VRK2: variants seen among roughly 807,000 people sequenced by gnomAD.
The protein encoded by VRK2 is serine/threonine-protein kinase VRK2.
Under a neutral mutation model 57.6 loss-of-function variants are expected in VRK2, and 60 were observed. The observed-to-expected ratio is 1.04, with a 90% CI of 0.85 to 1.29. The LOEUF (loss-of-function observed/expected upper bound fraction) is 1.29. Ranked by LOEUF, VRK2 falls within the 50% of genes most tolerant of loss-of-function variation. The probability of loss-of-function intolerance (pLI) is 0.00; values close to 1 mark genes in which losing one functional copy is unlikely to be tolerated. For missense variants in VRK2, 705 were observed against 588.1 expected (o/e 1.20, Z -2.06); for synonymous variants, 231 against 199.2 (o/e 1.16, Z -1.35).
At chr2:58,087,202 G>T (rs1671753963) in intron 5 of VRK2, among the ~76,000 whole-genome samples, 1 of 152,034 alleles carries the variant, frequency 6.6e-6, no homozygotes, top group Non-Finnish European at 1.5e-5. Context: ...GTTAAAATAG[G>T]TGATATTATT....
chr2:58,084,235 T>A (rs1558613670), intron 3 of VRK2, 97 bp downstream of exon 3: 1 of 1,261,550 alleles, frequency 7.9e-7, no homozygotes, highest in Non-Finnish European at 1.1e-6. Context: ...AACTATTGCC[T>A]TATCAGTAAA....
intron 8 of VRK2, among the ~76,000 whole-genome samples, chr2:58,123,642 G>A (rs969108742): frequency 1.3e-5 from 2 of 151,972 alleles, no homozygotes; most frequent in South Asian, 2.1e-4. Flanking sequence ...CAGGAGGATC[G>A]CTTGAGTCTA....
intron 2 of VRK2, among the ~76,000 whole-genome samples, chr2:58,027,853 A>T (rs903551855): frequency 2.0e-5 from 3 of 152,186 alleles, no homozygotes; most frequent in African/African-American, 7.2e-5. Context: ...CATCCCAAAC[A>T]GAAATTTAAA....
rs564704383 is a variant in VRK2 at position 58,119,735 on chromosome 2, A to C, written c.544-3366A>C. On this transcript the variant is annotated intron_variant, in intron 7 of 12. Coordinates refer to ENST00000340157, the MANE Select transcript of VRK2 (RefSeq NM_006296.7). ...AAAACTTCCATGAGAATCTTAGAGA[A>C]TATTTCGTAGAATTTTCTACAGGAT... 6.6e-5 allele frequency among the ~76,000 whole-genome samples: 10 copies of C among 151,360 alleles called. No individual in the cohort carries two copies. The East Asian group carries it at 1.5e-3, about 23-fold the overall frequency.
chr2:58,092,729 A>G (rs142663267), intron 7 of VRK2, among the ~76,000 whole-genome samples: 1,793 of 152,160 alleles, frequency 0.012, 37 homozygotes, highest in African/African-American at 0.041. Context: ...TTTGTTATAT[A>G]TGTATACATG....
chr2:58,099,874 A>G (rs1673709315), intron 7 of VRK2, among the ~76,000 whole-genome samples: 2 of 152,044 alleles, frequency 1.3e-5, no homozygotes, highest in East Asian at 3.9e-4. Flanking sequence ...ATTTCAACTA[A>G]GTGATCTCAA....
intron 11 of VRK2, among the ~76,000 whole-genome samples, chr2:58,142,607 C>T (rs948915693): frequency 6.6e-6 from 1 of 151,826 alleles, no homozygotes; most frequent in East Asian, 1.9e-4. Flanking sequence ...TCAAGACCAT[C>T]ACAGTCTCTT....
At chr2:58,100,371 G>A (rs532742059) in intron 7 of VRK2, among the ~76,000 whole-genome samples, 115 of 151,912 alleles carry the variant, frequency 7.6e-4, no homozygotes, top group African/African-American at 2.6e-3. Context: ...TGTAATATCT[G>A]TATTTCATTA....
intron 1 of VRK2, among the ~76,000 whole-genome samples, chr2:57,941,549 G>A (rs994034810): frequency 6.6e-5 from 10 of 152,138 alleles, no homozygotes; most frequent in South Asian, 4.2e-4. Context: ...TTTCTATATC[G>A]ATCAAATACT....
At chr2:58,053,840 A>G (rs1311174684) in intron 2 of VRK2, among the ~76,000 whole-genome samples, 2 of 152,170 alleles carry the variant, frequency 1.3e-5, no homozygotes, top group African/African-American at 2.4e-5. Context: ...AATTTTGCAA[A>G]TGATACTGTG....
chr2:58,138,768 A>C (rs187926453), intron 10 of VRK2, among the ~76,000 whole-genome samples: 2 of 152,318 alleles, frequency 1.3e-5, no homozygotes, highest in African/African-American at 4.8e-5. Context: ...TATATTTTTG[A>C]AAGGGAAAGG....
At chr2:58,108,385 G>C (rs1219654496) in intron 7 of VRK2, among the ~76,000 whole-genome samples, 2 of 152,098 alleles carry the variant, frequency 1.3e-5, no homozygotes, top group Non-Finnish European at 2.9e-5. Flanking sequence ...GATGCTGCCA[G>C]TGCTGATATT....
chr2:58,030,980 T>A (rs1243597520), intron 2 of VRK2, among the ~76,000 whole-genome samples: 2 of 152,076 alleles, frequency 1.3e-5, no homozygotes, highest in Non-Finnish European at 2.9e-5. Context: ...AACATGTGAC[T>A]GATCAAACAT....
At chr2:58,086,455 T>C (rs765207927) in intron 5 of VRK2, 29 bp downstream of exon 5, 7 of 1,545,692 alleles carry the variant, frequency 4.5e-6, no homozygotes, top group Non-Finnish European at 6.1e-6. Flanking sequence ...AATCAAATAT[T>C]TCTTTATAAC....
intron 2 of VRK2, among the ~76,000 whole-genome samples, chr2:58,080,432 T>C (rs1044723991): frequency 2.6e-5 from 4 of 152,046 alleles, no homozygotes; most frequent in African/African-American, 9.6e-5. Context: ...TCTGCTTGCC[T>C]ATACATTATG....
intron 1 of VRK2, among the ~76,000 whole-genome samples, chr2:58,017,786 T>A (rs1452072349): frequency 6.6e-6 from 1 of 152,182 alleles, no homozygotes. Context: ...GGAAGTCAGT[T>A]ACCTTATTTC....
intron 1 of VRK2, among the ~76,000 whole-genome samples, chr2:57,970,002 C>T (rs958251193): frequency 1.3e-5 from 2 of 151,548 alleles, no homozygotes; most frequent in African/African-American, 4.8e-5. Flanking sequence ...CTATATTCTA[C>T]CCTTTGTAGC....
At chr2:58,125,813 T>G (rs1332904364) in intron 8 of VRK2, among the ~76,000 whole-genome samples, 1 of 152,076 alleles carries the variant, frequency 6.6e-6, no homozygotes, top group Non-Finnish European at 1.5e-5. Context: ...TTTGCTGACA[T>G]TTTAATGTGA....
At chr2:58,146,769 G>GA (rs1558700864) in intron 12 of VRK2, among the ~76,000 whole-genome samples, 1 of 129,920 alleles carries the variant, frequency 7.7e-6, no homozygotes, top group African/African-American at 2.5e-5. Context: ...GGGACTCAAT[G>GA]TATTCTATAC....
Sources: allele counts gnomAD v4.1 joint callset (sites outside exome capture counted in the v4.1 genomes callset), GRCh38; gene constraint gnomAD v4.1.1; transcripts MANE v1.5; gene names NCBI Gene and HGNC (gene_info 2026-07-23, HGNC 2026-07-21).